The following RGS6 variants were observed in gnomAD, a reference collection of about 807,000 sequenced individuals.
RGS6 encodes regulator of G-protein signaling 6.
Under a neutral mutation model 78.5 loss-of-function variants are expected in RGS6, and 30 were observed. The observed-to-expected ratio is 0.38, with a 90% CI of 0.29 to 0.52. The LOEUF (loss-of-function observed/expected upper bound fraction) is 0.52. Among genes scored for constraint, RGS6 ranks in the 20% least tolerant of loss-of-function variants. The probability of loss-of-function intolerance (pLI) is 0.85; values close to 1 mark genes in which losing one functional copy is unlikely to be tolerated. For missense variants in RGS6, 495 were observed against 609.7 expected, an observed-to-expected ratio of 0.81 and a Z score of 1.98; for synonymous variants, 206 against 206.0, an observed-to-expected ratio of 1.00 and a Z score of 0.00.
the RGS6 span, among the ~76,000 whole-genome samples, chr14:71,881,176 C>A: frequency 3.0e-4 from 45 of 152,232 alleles, no homozygotes; most frequent in Non-Finnish European, 5.9e-4. Context: ...TACCCAATGC[C>A]TGTACCCCCC....
chr14:72,426,103 T>C (rs1188001119), intron 3 of RGS6, among the ~76,000 whole-genome samples: 3 of 152,200 alleles, frequency 2.0e-5, no homozygotes, highest in African/African-American at 7.2e-5. Context: ...ATATTTATGT[T>C]AATTTTTGTT....
chr14:71,990,823 C>G lies in RGS6; in HGVS notation c.84+25948C>G, dbSNP rs1370640615. 3.3e-5 allele frequency: 15 copies of G among 455,918 alleles called. 1 individual carries two copies. The highest frequency in any genetic ancestry group is 2.3e-4 in the South Asian group (15 of 64,568). The allele number at this position is 455,918 out of a possible 1,614,324, so 28.2% of individuals were successfully genotyped here. A position where few individuals can be genotyped will look rare whatever the true frequency, so the allele number is the denominator to read the frequency against. On this transcript the variant is annotated intron_variant, in intron 2 of 17. Transcript: ENST00000553525. ...TCTCTGTTTGAATCTTCCTCACTTA[C>G]CACAAACATAACAGGTAGAACATAG...
rs2088057819 is a variant in RGS6 at position 71,932,878 on chromosome 14, A to C, written c.-84A>C. 2.0e-5 allele frequency: 3 copies of C among 152,380 alleles called. No individual in the cohort carries two copies. In the South Asian group the frequency reaches 6.2e-4, roughly 32 times the overall value. The allele number at this position is 152,380 out of a possible 1,614,324, so 9.4% of individuals were successfully genotyped here. On this transcript the variant is annotated 5_prime_UTR_variant, in exon 1 of 18. Coordinates refer to ENST00000553525, the MANE Select transcript of RGS6 (RefSeq NM_001204424.2). ...CCAGCTTTATCATGAACCTGGCGCA[A>C]GGTTGGCTTTAGGAAAAATTCTGGA...
At chr14:72,595,692 C>T in the RGS6 span, among the ~76,000 whole-genome samples, 2 of 152,132 alleles carry the variant, frequency 1.3e-5, no homozygotes, top group African/African-American at 4.8e-5. Context: ...CTACTCTTCA[C>T]CAAGGATCTG....
chr14:72,410,504 C>T lies in RGS6; in HGVS notation c.185-44024C>T, dbSNP rs182573347. Among the ~76,000 whole-genome samples, 217 of 152,210 alleles carry T rather than the reference C, an allele frequency of 1.4e-3. 7 individuals carry two copies. The East Asian group carries it at 0.038, about 27-fold the overall frequency. ...GATGAATAGGTTGCAAACATTTTCT[C>T]CCATTCTGTAGGTTGCCTGTTCACT... On this transcript the variant is annotated intron_variant, in intron 3 of 17. Coordinates refer to ENST00000553525, the MANE Select transcript of RGS6 (RefSeq NM_001204424.2).
At chr14:72,548,327 TTGTGTGTGTGTGTGTGCGCGCGTGTGTG>T (rs1405491840) in intron 17 of RGS6, among the ~76,000 whole-genome samples, 19 of 147,262 alleles carry the variant, frequency 1.3e-4, no homozygotes, top group East Asian at 2.1e-4. Flanking sequence ...CAGATCATAT[TTGTGTGTGTGTGTGTGCGCGCGTGTGTG>T]TGTGTGTGTG....
the RGS6 span, among the ~76,000 whole-genome samples, chr14:72,620,298 C>T: frequency 6.6e-6 from 1 of 152,234 alleles, no homozygotes; most frequent in Non-Finnish European, 1.5e-5. Flanking sequence ...TTCTTCTGAA[C>T]TTCCAAAGCC....
chr14:72,476,405 A>G (rs115019054), intron 10 of RGS6, among the ~76,000 whole-genome samples: 6 of 152,224 alleles, frequency 3.9e-5, no homozygotes, highest in Non-Finnish European at 5.9e-5. Flanking sequence ...CAGTAAGTCC[A>G]GGGGGCGAGG....
intron 3 of RGS6, among the ~76,000 whole-genome samples, chr14:72,396,488 G>T (rs1008457297): frequency 6.6e-6 from 1 of 152,048 alleles, no homozygotes; most frequent in Non-Finnish European, 1.5e-5. Context: ...CTTCCATTCT[G>T]TAGGTTGCCT....
At chr14:72,221,389 C>T (rs79453912) in intron 2 of RGS6, among the ~76,000 whole-genome samples, 3 of 152,192 alleles carry the variant, frequency 2.0e-5, no homozygotes, top group Non-Finnish European at 2.9e-5. Context: ...GTCAATGAGA[C>T]ATAAGTTTAA....
chr14:72,344,634 C>T (rs957956185), intron 2 of RGS6, among the ~76,000 whole-genome samples: 2 of 152,154 alleles, frequency 1.3e-5, no homozygotes, highest in African/African-American at 4.8e-5. Flanking sequence ...TTGATGCAGT[C>T]ATTCAAGAAA....
the RGS6 span, among the ~76,000 whole-genome samples, chr14:71,889,137 T>G: frequency 1.3e-5 from 2 of 152,042 alleles, no homozygotes; most frequent in African/African-American, 4.8e-5. Context: ...GCGGGCAGGA[T>G]CTCTGTGGTC....
At chr14:72,603,278 G>A in the RGS6 span, among the ~76,000 whole-genome samples, 2 of 152,202 alleles carry the variant, frequency 1.3e-5, no homozygotes. Flanking sequence ...TGAAGGATTT[G>A]GGTTTTAAGT....
chr14:72,267,478 CT>C (rs2059256779), intron 2 of RGS6, among the ~76,000 whole-genome samples: 1 of 151,912 alleles, frequency 6.6e-6, no homozygotes, highest in Admixed American at 6.6e-5. Context: ...ACCAAAAATA[CT>C]TGCTATCTTG....
At chr14:72,514,872 G>C (rs1219440271) in intron 14 of RGS6, among the ~76,000 whole-genome samples, 2 of 152,172 alleles carry the variant, frequency 1.3e-5, no homozygotes, top group African/African-American at 2.4e-5. Flanking sequence ...AAAGCTTCAA[G>C]GGGCTTCCCA....
At chr14:72,223,959 C>T (rs1484310277) in intron 2 of RGS6, among the ~76,000 whole-genome samples, 1 of 152,182 alleles carries the variant, frequency 6.6e-6, no homozygotes, top group African/African-American at 2.4e-5. Flanking sequence ...GCAGGAGACA[C>T]CTGAGAGCAG....
At chr14:72,237,459 T>C (rs2051410460) in intron 2 of RGS6, among the ~76,000 whole-genome samples, 1 of 152,060 alleles carries the variant, frequency 6.6e-6, no homozygotes, top group Non-Finnish European at 1.5e-5. Context: ...ACATGTTGGG[T>C]TTTACAGTAC....
chr14:71,930,445 C>A (rs2087789171), upstream of RGS6, among the ~76,000 whole-genome samples: 1 of 152,084 alleles, frequency 6.6e-6, no homozygotes, highest in African/African-American at 2.4e-5. Flanking sequence ...CATATGAAAT[C>A]AGATATTTTA....
chr14:72,343,489 C>T (rs1372737702), intron 2 of RGS6, among the ~76,000 whole-genome samples: 1 of 152,216 alleles, frequency 6.6e-6, no homozygotes, highest in East Asian at 1.9e-4. Context: ...GATCCTTAGC[C>T]TTAATCACAT....
Sources: allele counts gnomAD v4.1 joint callset (sites outside exome capture counted in the v4.1 genomes callset), GRCh38; gene constraint gnomAD v4.1.1; transcripts MANE v1.5; gene names NCBI Gene and HGNC (gene_info 2026-07-23, HGNC 2026-07-21).